TXNL4A: variants seen among roughly 807,000 people sequenced by gnomAD.
TXNL4A encodes thioredoxin-like protein 4A.
Under a neutral mutation model 14.6 loss-of-function variants are expected in TXNL4A, and 17 were observed. That is an observed-to-expected ratio of 1.16 (90% CI 0.80 to 1.74). The LOEUF (loss-of-function observed/expected upper bound fraction) is 1.74, where lower values mean the gene tolerates loss of function less well. Among genes scored for constraint, TXNL4A ranks in the 40% most tolerant of loss-of-function variants. TXNL4A has a pLI of 0.00. For synonymous variants in TXNL4A, 83 were observed against 70.6 expected (o/e 1.18, Z -0.88); for missense variants, 74 against 195.2 (o/e 0.38, Z 3.70).
In TXNL4A at chr18:79,971,693, G is replaced by C. The variant is rs1325986508; in HGVS notation, c.*1992C>G. 1.3e-5 allele frequency: 2 copies of C among 152,192 alleles called. No individual in the cohort carries two copies. Among genetic ancestry groups the C allele is most frequent in the African/African-American group, 4.8e-5 (2 of 41,448 alleles). The allele number at this position is 152,192 out of a possible 1,614,324, so 9.4% of individuals were successfully genotyped here. A position where few individuals can be genotyped will look rare whatever the true frequency, so the allele number is the denominator to read the frequency against. Reference sequence around the variant, plus strand: ...CCACTTTGCCACCAGCAGTGTGTGAGGGCTCCAATTTCTCCACATCCTTGC... The same window carrying C: ...CCACTTTGCCACCAGCAGTGTGTGACGGCTCCAATTTCTCCACATCCTTGC... On this transcript the variant is annotated 3_prime_UTR_variant, in exon 3 of 3. Transcript: ENST00000269601.
At chr18:79,988,193 C>A in intron 1 of TXNL4A, 47 bp downstream of exon 1, 4 of 1,450,924 alleles carry the variant, frequency 2.8e-6, no homozygotes, top group Non-Finnish European at 2.8e-6. Flanking sequence ...AGGCGCGGGG[C>A]AGATGCGGAA....
In TXNL4A at chr18:79,973,440, TA is replaced by T. The variant is rs2051330309; in HGVS notation, c.*244del. On this transcript the variant is annotated 3_prime_UTR_variant, in exon 3 of 3. Transcript: ENST00000269601. Reference sequence around the variant, plus strand: ...AAACACCTTCGTTTTACTCCAAGGGTAAGAATTAACTTTGACTAGGAAAATC... The same window carrying T: ...AAACACCTTCGTTTTACTCCAAGGGTAGAATTAACTTTGACTAGGAAAATC... 2 of 455,414 alleles carry T rather than the reference TA, an allele frequency of 4.4e-6. No homozygotes were observed. Among genetic ancestry groups the T allele is most frequent in the Non-Finnish European group, 7.6e-6 (2 of 264,268 alleles). The allele number at this position is 455,414 out of a possible 1,614,324, so 28.2% of individuals were successfully genotyped here.
At chr18:80,021,972 C>T (rs190464120) in intron 1 of TXNL4A, among the ~76,000 whole-genome samples, 219 of 144,558 alleles carry the variant, frequency 1.5e-3, no homozygotes, top group African/African-American at 5.3e-3. Context: ...AGGATGGTGG[C>T]TCCCATATGG....
chr18:79,996,103 C>CAAAAAAAAAAAAAAAAAAAA, intron 1 of TXNL4A, among the ~76,000 whole-genome samples: 1 of 61,316 alleles, frequency 1.6e-5, no homozygotes, highest in Non-Finnish European at 2.7e-5. Context: ...GACTCTGACT[C>CAAAAAAAAAAAAAAAAAAAA]AAAAAAAAAA....
rs1015686887 is a variant in TXNL4A, at chr18:79,982,245, C to T, written c.154-4544G>A. Among the ~76,000 whole-genome samples the T allele has an allele frequency of 2.0e-5, 3 of 152,156 alleles. No homozygotes were observed. The highest frequency in any genetic ancestry group is 2.9e-5 in the Non-Finnish European group (2 of 68,018). ...AAGTGCAGGACAGTGGGGACCGATG[C>T]GCAGGTGGACTGGCCCACAGAGGAC... is the stretch of plus-strand genomic sequence containing the variant. On this transcript the variant is annotated intron_variant, in intron 1 of 2. Coordinates refer to ENST00000269601, the MANE Select transcript of TXNL4A (RefSeq NM_006701.5). The surrounding 1 kb of genome is among the most constrained non-coding windows in gnomAD (Gnocchi z 4.0).
chr18:79,984,719 T>TG, intron 1 of TXNL4A, among the ~76,000 whole-genome samples: 2 of 152,308 alleles, frequency 1.3e-5, no homozygotes, highest in Non-Finnish European at 2.9e-5. Flanking sequence ...GAGCTCATAC[T>TG]CTGTCTTAGC....
chr18:80,014,886 A>C (rs4799121), intron 1 of TXNL4A, among the ~76,000 whole-genome samples: 70,921 of 152,122 alleles, frequency 0.47, 17,295 homozygotes, highest in East Asian at 0.75. Context: ...GAAATCTAGG[A>C]AGAGGTTCCC....
intron 2 of TXNL4A, among the ~76,000 whole-genome samples, chr18:79,974,831 C>T (rs911598420): frequency 1.3e-5 from 2 of 152,204 alleles, no homozygotes; most frequent in African/African-American, 4.8e-5. Context: ...ACTCAAACCC[C>T]TAGCTCCAGT....
intron 1 of TXNL4A, among the ~76,000 whole-genome samples, chr18:79,999,612 T>C (rs1042838962): frequency 1.3e-5 from 2 of 150,154 alleles, no homozygotes; most frequent in Non-Finnish European, 3.0e-5. Flanking sequence ...TCACTTTAAA[T>C]TAAACACCAC....
chr18:79,978,093 A>G (rs917941864), intron 1 of TXNL4A, among the ~76,000 whole-genome samples: 15 of 152,192 alleles, frequency 9.9e-5, no homozygotes, highest in Admixed American at 6.6e-5. Flanking sequence ...ACCGTTTCCC[A>G]GAATAGTTCA....
intron 1 of TXNL4A, among the ~76,000 whole-genome samples, chr18:79,996,238 C>G (rs1334156082): frequency 6.6e-6 from 1 of 151,950 alleles, no homozygotes; most frequent in Non-Finnish European, 1.5e-5. Context: ...TTTCACTGCT[C>G]CAAATATTCT....
intron 1 of TXNL4A, among the ~76,000 whole-genome samples, chr18:79,998,645 C>T (rs2051678374): frequency 6.7e-6 from 1 of 149,294 alleles, no homozygotes; most frequent in South Asian, 2.2e-4. Flanking sequence ...CCCTTCTGTA[C>T]AAGTCTGTTG....
chr18:79,988,484 C>T lies in TXNL4A; in HGVS notation c.-92G>A, dbSNP rs1014024399. On this transcript the variant is annotated 5_prime_UTR_variant, in exon 1 of 3. Coordinates refer to ENST00000269601, the MANE Select transcript of TXNL4A (RefSeq NM_006701.5). ...CCGGCCCCTCACTCCCCGGCCCCCGCCGCCCCCGGGCCCACGGACGAAATC... is the reference window on the plus strand; with the variant it reads ...CCGGCCCCTCACTCCCCGGCCCCCGTCGCCCCCGGGCCCACGGACGAAATC... 18 of 1,232,756 alleles carry T rather than the reference C, an allele frequency of 1.5e-5. No individual in the cohort carries two copies. The African/African-American group carries it at 2.7e-4, about 18-fold the overall frequency. The allele number at this position is 1,232,756 out of a possible 1,614,324, so 76.4% of individuals were successfully genotyped here.
chr18:80,014,079 C>T (rs945686703), intron 1 of TXNL4A, among the ~76,000 whole-genome samples: 9 of 152,084 alleles, frequency 5.9e-5, no homozygotes, highest in Non-Finnish European at 8.8e-5. Flanking sequence ...CAATTACCTC[C>T]CCCTGGGTCC....
chr18:80,001,346 C>T (rs2051697313), intron 1 of TXNL4A, among the ~76,000 whole-genome samples: 1 of 152,216 alleles, frequency 6.6e-6, no homozygotes, highest in East Asian at 1.9e-4. Context: ...CATGGAGAAC[C>T]TCTGCTAGGG....
At chr18:80,013,903 G>A (rs991092668) in intron 1 of TXNL4A, among the ~76,000 whole-genome samples, 10 of 152,182 alleles carry the variant, frequency 6.6e-5, no homozygotes, top group African/African-American at 2.4e-4. Flanking sequence ...CCACATAGCT[G>A]GGCAGATCTC....
chr18:80,006,874 G>A (rs529367858), intron 1 of TXNL4A, among the ~76,000 whole-genome samples: 7 of 152,308 alleles, frequency 4.6e-5, no homozygotes, highest in East Asian at 1.9e-4. Context: ...TGGAAGAAGC[G>A]GCCAACTCAT....
At chr18:80,015,157 C>T (rs990916835) in intron 1 of TXNL4A, among the ~76,000 whole-genome samples, 41 of 151,986 alleles carry the variant, frequency 2.7e-4, no homozygotes, top group African/African-American at 8.2e-4. Flanking sequence ...AGACCTATGA[C>T]GTGCCCTGGA....
chr18:80,014,031 T>A (rs1343440585), intron 1 of TXNL4A, among the ~76,000 whole-genome samples: 1 of 152,122 alleles, frequency 6.6e-6, no homozygotes, highest in Admixed American at 6.5e-5. Context: ...TTATTCACTA[T>A]CCTGAGACTA....
Sources: allele counts gnomAD v4.1 joint callset (sites outside exome capture counted in the v4.1 genomes callset), GRCh38; gene constraint gnomAD v4.1.1; non-coding constraint Gnocchi (gnomAD v3.1); transcripts MANE v1.5; gene names NCBI Gene and HGNC (gene_info 2026-07-23, HGNC 2026-07-21).